Variants in TLL2 observed in about 807,000 individuals in gnomAD.
TLL2 encodes the protein tolloid like 2, also known as tolloid-like protein 2.
Under a neutral mutation model 123.0 loss-of-function variants are expected in TLL2, and 106 were observed. The ratio of observed to expected loss-of-function variants is 0.86; its 90% CI spans 0.74 to 1.01. TLL2 has a LOEUF of 1.01. Ranked by LOEUF, TLL2 falls within the 50% of genes least tolerant of loss-of-function variation. The pLI is 0.00. For synonymous variants in TLL2, 494 were observed against 516.8 expected (o/e 0.96, Z 0.60); for missense variants, 1,332 against 1,336.7 (o/e 1.00, Z 0.06).
intron 3 of TLL2, among the ~76,000 whole-genome samples, chr10:96,436,232 C>T (rs1284356449): frequency 6.6e-6 from 1 of 152,188 alleles, no homozygotes; most frequent in Non-Finnish European, 1.5e-5. Flanking sequence ...ACTTTATTTG[C>T]AAAAACAGCA....
Position 96,433,107 on chromosome 10 carries a change from C to A in TLL2, c.365-145G>T, listed in dbSNP as rs919160779. The stretch of plus-strand genomic sequence containing the variant: ...TTTCATCAGTTCAGGGTTTGGAAGC[C>A]CTGGGTGGCAGTTTTCCAGATGGGG... On this transcript the variant is annotated intron_variant, in intron 3 of 20. Coordinates refer to ENST00000357947, the MANE Select transcript of TLL2 (RefSeq NM_012465.4). 76 of 1,101,856 alleles carry A rather than the reference C, an allele frequency of 6.9e-5. No homozygotes were observed. The Admixed American group carries it at 8.8e-4, about 13-fold the overall frequency. 68.3% of individuals were successfully genotyped at this position (1,101,856 alleles called of 1,614,324 possible).
Position 96,459,683 on chromosome 10 carries a change from AAAAAAAAAAAAAAAAAAAAAAAATAT to A in TLL2, c.287-13541_287-13516del, listed in dbSNP as rs1181329937. Among the ~76,000 whole-genome samples, 286 of 52,392 alleles carry A rather than the reference AAAAAAAAAAAAAAAAAAAAAAAATAT, an allele frequency of 5.5e-3. 4 individuals are homozygous for A. Among genetic ancestry groups the A allele is most frequent in the Middle Eastern group, 0.032 (5 of 158 alleles). 34.4% of individuals were successfully genotyped at this position (52,392 alleles called of 152,430 possible). On this transcript the variant is annotated intron_variant, in intron 2 of 20. Coordinates refer to ENST00000357947, the MANE Select transcript of TLL2 (RefSeq NM_012465.4). ...AGATCCTGTTTCAAAAAAAAAAAAAAAAAAAAAAAAAAAAAAAAAAAAATATATATATATATATATATATATATAGC... is the reference window on the plus strand; with the variant it reads ...AGATCCTGTTTCAAAAAAAAAAAAAAATATATATATATATATATATATAGC...
chr10:96,475,945 C>A (rs1007649598), intron 2 of TLL2, among the ~76,000 whole-genome samples: 2 of 152,000 alleles, frequency 1.3e-5, no homozygotes, highest in South Asian at 4.1e-4. Flanking sequence ...CCTTGCCTGC[C>A]GCCATCCACA....
chr10:96,498,533 T>C (rs1757075760), intron 1 of TLL2, among the ~76,000 whole-genome samples: 2 of 152,336 alleles, frequency 1.3e-5, no homozygotes, highest in African/African-American at 2.4e-5. Flanking sequence ...TTGCTCATTG[T>C]CCACCAATAC....
At chr10:96,423,287 C>G (rs1336804384) in intron 5 of TLL2, among the ~76,000 whole-genome samples, 2 of 152,134 alleles carry the variant, frequency 1.3e-5, no homozygotes, top group East Asian at 3.9e-4. Flanking sequence ...ACAAAAGATA[C>G]GGTCTCTCTC....
chr10:96,504,058 C>T (rs1252411728), intron 1 of TLL2, among the ~76,000 whole-genome samples: 1 of 152,150 alleles, frequency 6.6e-6, no homozygotes, highest in Non-Finnish European at 1.5e-5. Context: ...CTGACCATGG[C>T]CTGTAATGCC....
intron 2 of TLL2, among the ~76,000 whole-genome samples, chr10:96,452,154 T>C (rs551771399): frequency 6.6e-6 from 1 of 152,338 alleles, no homozygotes; most frequent in East Asian, 1.9e-4. Context: ...AAATTAACAA[T>C]AAATAATGAG....
chr10:96,388,093 G>A (rs539307814), intron 13 of TLL2, among the ~76,000 whole-genome samples: 14 of 152,242 alleles, frequency 9.2e-5, no homozygotes, highest in African/African-American at 3.4e-4. Flanking sequence ...CACCACGGAA[G>A]GTAGGAACAC....
Position 96,513,383 on chromosome 10 carries a change from G to A in TLL2, c.175+128C>T, listed in dbSNP as rs566094180. 5.0e-6 allele frequency: 6 copies of A among 1,193,352 alleles called. No individual in the cohort carries two copies. In the South Asian group the frequency reaches 8.7e-5, roughly 17 times the overall value. The allele number at this position is 1,193,352 out of a possible 1,614,324, so 73.9% of individuals were successfully genotyped here. A position where few individuals can be genotyped will look rare whatever the true frequency, so the allele number is the denominator to read the frequency against. ...AATTCCTCGGAGGCATTGTCTTCCG[G>A]GGGAGCCGGGGATCTCAGGGGAGGG... On this transcript the variant is annotated intron_variant, in intron 1 of 20. Coordinates refer to ENST00000357947, the MANE Select transcript of TLL2 (RefSeq NM_012465.4).
At chr10:96,443,576 C>T (rs566366274) in intron 3 of TLL2, among the ~76,000 whole-genome samples, 206 of 152,264 alleles carry the variant, frequency 1.4e-3, no homozygotes, top group Middle Eastern at 6.8e-3. Context: ...CAGTCAACCC[C>T]CAGAATCATG....
chr10:96,458,517 G>A (rs1353665630), intron 2 of TLL2, among the ~76,000 whole-genome samples: 1 of 150,094 alleles, frequency 6.7e-6, no homozygotes, highest in Admixed American at 6.7e-5. Context: ...AACCTGGGAG[G>A]AGGAGGTTGC....
intron 1 of TLL2, among the ~76,000 whole-genome samples, chr10:96,483,992 G>A (rs1051606323): frequency 3.3e-5 from 5 of 152,150 alleles, no homozygotes; most frequent in South Asian, 4.1e-4. Flanking sequence ...ACAGGCATGC[G>A]CCACCATGCT....
rs142401265 is a variant in TLL2, at chr10:96,415,739, G to GTCTCTCTCTCTC, written c.924-2435_924-2424dup. 3.9e-4 allele frequency among the ~76,000 whole-genome samples: 11 copies of GTCTCTCTCTCTC among 28,058 alleles called. 1 individual carries two copies. Among genetic ancestry groups the GTCTCTCTCTCTC allele is most frequent in the African/African-American group, 5.3e-4 (4 of 7,566 alleles). The allele number at this position is 28,058 out of a possible 152,430, so 18.4% of individuals were successfully genotyped here. ...ATGCTCTCTCTCTCTGTCTCTCTCT[G>GTCTCTCTCTCTC]TCTCTCTCTCTCTCTCTCTCTCTCT... On this transcript the variant is annotated intron_variant, in intron 7 of 20. Coordinates refer to ENST00000357947, the MANE Select transcript of TLL2 (RefSeq NM_012465.4).
At chr10:96,512,698 C>G (rs1259083198) in intron 1 of TLL2, among the ~76,000 whole-genome samples, 1 of 152,266 alleles carries the variant, frequency 6.6e-6, no homozygotes, top group Non-Finnish European at 1.5e-5. Context: ...TGGAACTGCC[C>G]CACACTCATC....
At chr10:96,504,318 C>T (rs568279160) in intron 1 of TLL2, among the ~76,000 whole-genome samples, 1 of 152,166 alleles carries the variant, frequency 6.6e-6, no homozygotes, top group Non-Finnish European at 1.5e-5. Context: ...AGGTCAAAGT[C>T]TCTGGGTATA....
In TLL2 at chr10:96,491,118, C is replaced by T. The variant is rs534309304; in HGVS notation, c.176-10659G>A. 3.2e-4 allele frequency among the ~76,000 whole-genome samples: 48 copies of T among 152,272 alleles called. No individual in the cohort carries two copies. In the South Asian group the frequency reaches 6.8e-3, roughly 22 times the overall value. On this transcript the variant is annotated intron_variant, in intron 1 of 20. Transcript: ENST00000357947. ...ACATCCGGCTGGGCGCGGTGGCTTT[C>T]GCCTATAATCCTAGAACTTTGGGAG...
chr10:96,379,016 C>A lies in TLL2; in HGVS notation c.2271G>T (p.Arg757Ser). Residue 757 changes from arginine (R) to serine (S), a missense_variant, in exon 17 of 21, where the codon AGG becomes AGT. Coordinates refer to ENST00000357947, the MANE Select transcript of TLL2 (RefSeq NM_012465.4). ...CGTGGAGCCAGTAGCCGTTTCTGCACCTGCACAGGTAGCTCCCGAAGGTGT... is the reference window on the plus strand; with the variant it reads ...CGTGGAGCCAGTAGCCGTTTCTGCAACTGCACAGGTAGCTCCCGAAGGTGT... Reference protein sequence around the residue: ...CVNTFGSYLCRCRNGYWLHEN... With the variant: ...CVNTFGSYLCSCRNGYWLHEN... 6.2e-7 allele frequency: 1 copy of A among 1,614,252 alleles called. No homozygotes were observed. The highest frequency in any genetic ancestry group is 8.5e-7 in the Non-Finnish European group (1 of 1,180,042).
intron 1 of TLL2, among the ~76,000 whole-genome samples, chr10:96,488,282 G>T (rs905443664): frequency 6.6e-6 from 1 of 152,186 alleles, no homozygotes; most frequent in Non-Finnish European, 1.5e-5. Context: ...CCTTTGGGAG[G>T]CACTGACTTA....
intron 10 of TLL2, among the ~76,000 whole-genome samples, chr10:96,403,792 G>A (rs923431679): frequency 5.3e-5 from 8 of 152,130 alleles, no homozygotes; most frequent in South Asian, 2.1e-4. Context: ...TGAATGTCTC[G>A]GTATAAAACC....
Sources: gnomAD v4.1 joint callset for allele counts (sites outside exome capture counted in the v4.1 genomes callset) on GRCh38, gnomAD v4.1.1 for gene constraint, MANE v1.5 for transcripts, NCBI Gene and HGNC (gene_info 2026-07-23, HGNC 2026-07-21) for gene names.